The following NPAS3 variants were observed in gnomAD, a reference collection of about 807,000 sequenced individuals.
NPAS3 encodes neuronal PAS domain protein 3.
A neutral mutation model predicts 73.1 loss-of-function variants in NPAS3; 14 were observed. The observed-to-expected ratio is 0.19, with a 90% CI of 0.13 to 0.30. The LOEUF (loss-of-function observed/expected upper bound fraction) is 0.30. NPAS3 is among the 10% of genes least tolerant of loss of function. NPAS3 has a pLI of 1.00. For missense variants in NPAS3, 1,096 were observed against 1,250.0 expected (o/e 0.88, Z 1.86); for synonymous variants, 620 against 541.5 (o/e 1.14, Z -2.01).
At chr14:33,188,061 G>A (rs1341859464) in intron 2 of NPAS3, among the ~76,000 whole-genome samples, 2 of 152,158 alleles carry the variant, frequency 1.3e-5, no homozygotes, top group Non-Finnish European at 2.9e-5. Context: ...GATGGTGTGA[G>A]GACTGAAATC....
At chr14:33,535,920 C>A (rs1234360997) in intron 4 of NPAS3, among the ~76,000 whole-genome samples, 1 of 152,184 alleles carries the variant, frequency 6.6e-6, no homozygotes, top group African/African-American at 2.4e-5. Flanking sequence ...CCCTATCCCT[C>A]TGTGACTGAG....
intron 3 of NPAS3, among the ~76,000 whole-genome samples, chr14:33,308,009 A>G (rs1273982457): frequency 1.3e-5 from 2 of 152,124 alleles, no homozygotes; most frequent in Admixed American, 6.5e-5. Context: ...CAACATTTCA[A>G]GCTATCCTGT....
intron 2 of NPAS3, among the ~76,000 whole-genome samples, chr14:33,101,647 A>C (rs2042580305): frequency 6.6e-6 from 1 of 152,148 alleles, no homozygotes; most frequent in Non-Finnish European, 1.5e-5. Context: ...GAAATGTCTA[A>C]AATTAGGGCC....
intron 4 of NPAS3, among the ~76,000 whole-genome samples, chr14:33,440,647 C>T (rs993900386): frequency 6.6e-6 from 1 of 152,164 alleles, no homozygotes; most frequent in Admixed American, 6.5e-5. Context: ...AATCCCAGCA[C>T]TTTGGGAGGC....
chr14:33,799,962 C>T (rs2063637884), exon 12 of NPAS3: 3 of 1,613,940 alleles, frequency 1.9e-6, no homozygotes, highest in East Asian at 4.5e-5. Flanking sequence ...GCTCTGGGCG[C>T]GATGCAGATC....
At chr14:33,706,923 G>C (rs1284653229) in intron 6 of NPAS3, among the ~76,000 whole-genome samples, 1 of 152,074 alleles carries the variant, frequency 6.6e-6, no homozygotes, top group Non-Finnish European at 1.5e-5. Flanking sequence ...GCACCCTCTT[G>C]GTTCATCATA....
intron 3 of NPAS3, among the ~76,000 whole-genome samples, chr14:33,223,086 G>A (rs1201749502): frequency 6.6e-6 from 1 of 152,090 alleles, no homozygotes; most frequent in Non-Finnish European, 1.5e-5. Context: ...GAAGCAGGTG[G>A]ATCACCTGAG....
At chr14:33,163,127 C>A (rs1049279853) in intron 2 of NPAS3, among the ~76,000 whole-genome samples, 2 of 152,218 alleles carry the variant, frequency 1.3e-5, no homozygotes, top group Non-Finnish European at 2.9e-5. Flanking sequence ...ATTATTTAAT[C>A]TTATTTTGCT....
At chr14:33,740,570 A>G (rs983977148) in intron 7 of NPAS3, among the ~76,000 whole-genome samples, 5 of 152,244 alleles carry the variant, frequency 3.3e-5, no homozygotes, top group Admixed American at 3.3e-4. Context: ...TTTACATGTG[A>G]CTGTTGGAAT....
chr14:33,615,337 G>A (rs541464925), intron 5 of NPAS3, among the ~76,000 whole-genome samples: 16 of 152,266 alleles, frequency 1.1e-4, no homozygotes, highest in Non-Finnish European at 2.1e-4. Context: ...ATGGATTATA[G>A]AAGTGAGACA....
At chr14:33,227,656 C>T (rs953935402) in intron 3 of NPAS3, among the ~76,000 whole-genome samples, 2 of 152,120 alleles carry the variant, frequency 1.3e-5, no homozygotes, top group African/African-American at 4.8e-5. Context: ...GAGGGTTCCG[C>T]CCTCTGTGAC....
At chr14:33,236,780 G>A (rs1054133863) in intron 3 of NPAS3, among the ~76,000 whole-genome samples, 1 of 152,070 alleles carries the variant, frequency 6.6e-6, no homozygotes, top group Admixed American at 6.6e-5. Flanking sequence ...TTAAGAAAAT[G>A]TGGAAAAATT....
chr14:33,786,475 G>T (rs1480090557), intron 9 of NPAS3, among the ~76,000 whole-genome samples: 2 of 152,172 alleles, frequency 1.3e-5, no homozygotes, highest in Non-Finnish European at 2.9e-5. Flanking sequence ...CTGAGTATAA[G>T]GTCCACATCA....
chr14:33,377,717 AAC>A (rs1306653987), intron 4 of NPAS3, among the ~76,000 whole-genome samples: 1 of 152,202 alleles, frequency 6.6e-6, no homozygotes, highest in African/African-American at 2.4e-5. Context: ...AGTTTGAGGT[AAC>A]ATTTTGGAGG....
chr14:33,188,545 A>G (rs191863722), intron 2 of NPAS3, among the ~76,000 whole-genome samples: 250 of 152,286 alleles, frequency 1.6e-3, no homozygotes, highest in African/African-American at 5.6e-3. Context: ...TTTCCTTACC[A>G]GATTATAAAC....
At chr14:33,513,283 A>T (rs2053147212) in intron 4 of NPAS3, among the ~76,000 whole-genome samples, 1 of 152,024 alleles carries the variant, frequency 6.6e-6, no homozygotes, top group Admixed American at 6.6e-5. Context: ...GAACATATAT[A>T]TTCTAGTGAA....
chr14:33,206,578 A>G (rs1259112264), intron 2 of NPAS3, among the ~76,000 whole-genome samples: 1 of 152,122 alleles, frequency 6.6e-6, no homozygotes, highest in Admixed American at 6.6e-5. Context: ...TTCCATAGTC[A>G]CTGTTACCAG....
intron 2 of NPAS3, among the ~76,000 whole-genome samples, chr14:33,070,444 G>T (rs191683033): frequency 6.6e-6 from 1 of 152,132 alleles, no homozygotes; most frequent in Non-Finnish European, 1.5e-5. Context: ...CTTTCATTGT[G>T]CCTGGTACTT....
chr14:33,074,910 T>A (rs2041607896), intron 2 of NPAS3, among the ~76,000 whole-genome samples: 1 of 152,210 alleles, frequency 6.6e-6, no homozygotes, highest in South Asian at 2.1e-4. Context: ...TTAACCTGAT[T>A]TCTACCTCCA....
Sources: gnomAD v4.1 joint callset for allele counts (sites outside exome capture counted in the v4.1 genomes callset) on GRCh38, gnomAD v4.1.1 for gene constraint, MANE v1.5 for transcripts, NCBI Gene and HGNC (gene_info 2026-07-23, HGNC 2026-07-21) for gene names.